COG5: variants seen among roughly 807,000 people sequenced by gnomAD.
The protein encoded by COG5 is conserved oligomeric Golgi complex subunit 5.
A neutral mutation model predicts 110.4 loss-of-function variants in COG5; 86 were observed. That is an observed-to-expected ratio of 0.78 (90% CI 0.65 to 0.93). The LOEUF is 0.93. Ranked by LOEUF, COG5 falls within the 40% of genes least tolerant of loss-of-function variation. COG5 has a pLI of 0.00. For missense variants in COG5, 1,077 were observed against 987.0 expected (o/e 1.09, Z -1.22); for synonymous variants, 360 against 334.6 (o/e 1.08, Z -0.83).
intron 6 of COG5, among the ~76,000 whole-genome samples, chr7:107,449,070 T>C (rs1191773684): frequency 1.3e-5 from 2 of 152,004 alleles, no homozygotes; most frequent in Admixed American, 6.6e-5. Flanking sequence ...CAAAATTAAC[T>C]GTAGTACGAA....
At chr7:107,382,585 C>T (rs981038043) in intron 7 of COG5, among the ~76,000 whole-genome samples, 13 of 152,044 alleles carry the variant, frequency 8.6e-5, no homozygotes, top group African/African-American at 3.1e-4. Flanking sequence ...ATATAGGTGC[C>T]CACCACCACG....
At chr7:107,529,265 G>A (rs939544418) in intron 5 of COG5, among the ~76,000 whole-genome samples, 1 of 152,134 alleles carries the variant, frequency 6.6e-6, no homozygotes, top group African/African-American at 2.4e-5. Context: ...AGTCAAGAGT[G>A]GGGCAGGAGA....
intron 12 of COG5, among the ~76,000 whole-genome samples, chr7:107,295,088 T>C (rs1454366561): frequency 6.9e-5 from 5 of 72,132 alleles, no homozygotes; most frequent in East Asian, 8.0e-4. Context: ...TATATATATA[T>C]ATATATATAT....
chr7:107,554,122 T>C (rs570491801), intron 3 of COG5, among the ~76,000 whole-genome samples, 163 bp downstream of exon 3: 92 of 152,352 alleles, frequency 6.0e-4, no homozygotes, highest in African/African-American at 2.0e-3. Flanking sequence ...TTTGTTTTCA[T>C]ATTATCTGCC....
At chr7:107,410,067 G>C (rs1004648209) in intron 7 of COG5, among the ~76,000 whole-genome samples, 2 of 152,248 alleles carry the variant, frequency 1.3e-5, no homozygotes, top group African/African-American at 4.8e-5. Flanking sequence ...ACTAGGCATA[G>C]AAGTAAAATA....
chr7:107,213,644 G>A lies in COG5; in HGVS notation c.2169-2419C>T, dbSNP rs1280583542. On this transcript the variant is annotated intron_variant, in intron 19 of 21. Transcript: ENST00000297135. ...GGAAGGTGAAGCTCAGCCAGCAGCC[G>A]CATCCAAACTCAGAGCAAAGGCAGA... Among the ~76,000 whole-genome samples the A allele has an allele frequency of 3.9e-5, 6 of 152,296 alleles. No homozygotes were observed. The South Asian group carries it at 6.2e-4, about 16-fold the overall frequency.
chr7:107,202,122 A>G lies in COG5; in HGVS notation c.*1394T>C, dbSNP rs543667847. The G allele has an allele frequency of 2.0e-5, 3 of 152,798 alleles. No individual in the cohort carries two copies. The South Asian group carries it at 6.2e-4, about 32-fold the overall frequency. 9.5% of individuals were successfully genotyped at this position (152,798 alleles called of 1,614,324 possible). On this transcript the variant is annotated 3_prime_UTR_variant, in exon 22 of 22. Coordinates refer to ENST00000297135, the MANE Select transcript of COG5 (RefSeq NM_006348.5). ...GGCCAAGGTAAAGTTAGTTAATAGCATTGGGATATAGTCACTGTAATGGTG... is the reference window on the plus strand; with the variant it reads ...GGCCAAGGTAAAGTTAGTTAATAGCGTTGGGATATAGTCACTGTAATGGTG...
At chr7:107,362,260 C>A (rs947465440) in intron 9 of COG5, 48 bp downstream of exon 9, 1 of 1,469,640 alleles carries the variant, frequency 6.8e-7, no homozygotes, top group Non-Finnish European at 9.5e-7. Context: ...TTGGAATAAC[C>A]AGGAGTTAAT....
intron 6 of COG5, among the ~76,000 whole-genome samples, chr7:107,512,205 A>T (rs912105491): frequency 7.9e-5 from 12 of 152,234 alleles, no homozygotes; most frequent in Non-Finnish European, 1.8e-4. Flanking sequence ...AAGTCTCAGG[A>T]TACAAAATCA....
At chr7:107,388,282 T>C (rs536390599) in intron 7 of COG5, among the ~76,000 whole-genome samples, 1 of 152,358 alleles carries the variant, frequency 6.6e-6, no homozygotes, top group South Asian at 2.1e-4. Context: ...TATCCATTGA[T>C]ACCAATTCTC....
chr7:107,548,311 G>A lies in COG5; in HGVS notation c.314C>T (p.Thr105Met), dbSNP rs755030238. The A allele has an allele frequency of 1.9e-5, 31 of 1,613,580 alleles. No homozygotes were observed. Among genetic ancestry groups the A allele is most frequent in the African/African-American group, 6.7e-5 (5 of 74,870 alleles). The change falls in exon 4 of 22, where the codon ACG becomes ATG. Residue 105 changes from threonine to methionine, a missense_variant. Thr to Met is a moderately conservative substitution (Grantham distance 81). Coordinates refer to ENST00000297135, the MANE Select transcript of COG5 (RefSeq NM_006348.5). ...SLEGVLQMMQ[T>M]RIGALQGAVD... ...AGCTCCCTGTAAAGCCCCAATTCTC[G>A]TCTGCATCATCTGAAGAACACCTAG...
intron 6 of COG5, among the ~76,000 whole-genome samples, chr7:107,505,705 C>T (rs557148020): frequency 7.5e-4 from 115 of 152,340 alleles, no homozygotes; most frequent in Non-Finnish European, 1.6e-3. Context: ...CTGAAAGAAA[C>T]TTCCCACCAG....
chr7:107,285,992 A>G (rs1805595086), intron 12 of COG5, among the ~76,000 whole-genome samples: 1 of 152,230 alleles, frequency 6.6e-6, no homozygotes, highest in Non-Finnish European at 1.5e-5. Context: ...GAGAAAAATA[A>G]AGCAAGGAAG....
chr7:107,429,261 G>A (rs569403105), intron 6 of COG5, among the ~76,000 whole-genome samples: 1 of 152,128 alleles, frequency 6.6e-6, no homozygotes, highest in African/African-American at 2.4e-5. Flanking sequence ...GCATATTATG[G>A]ATCTGACAGC....
chr7:107,503,691 G>A (rs1192570523), intron 6 of COG5, among the ~76,000 whole-genome samples: 1 of 152,076 alleles, frequency 6.6e-6, no homozygotes, highest in Non-Finnish European at 1.5e-5. Flanking sequence ...CAGTTTTGTA[G>A]TTCACCTTGT....
chr7:107,430,223 T>A (rs949716902), intron 6 of COG5, among the ~76,000 whole-genome samples: 1 of 152,232 alleles, frequency 6.6e-6, no homozygotes, highest in Non-Finnish European at 1.5e-5. Flanking sequence ...TTGTATGGTT[T>A]TAGATCTTTA....
intron 6 of COG5, among the ~76,000 whole-genome samples, chr7:107,517,280 A>T (rs951869880): frequency 2.0e-5 from 3 of 152,200 alleles, no homozygotes; most frequent in Non-Finnish European, 4.4e-5. Flanking sequence ...TAAGGCATAC[A>T]GACAAGATTA....
intron 8 of COG5, among the ~76,000 whole-genome samples, chr7:107,370,691 C>T (rs1324179538): frequency 6.7e-6 from 1 of 149,788 alleles, no homozygotes; most frequent in Admixed American, 6.7e-5. Flanking sequence ...GAGGCTGAGA[C>T]AGGCGAATTG....
At chr7:107,208,667 T>A (rs1798938075) in intron 21 of COG5, 1 of 985,376 alleles carries the variant, frequency 1.0e-6, no homozygotes, top group South Asian at 4.7e-5. Flanking sequence ...CCGGGGCTGG[T>A]AACCTCTCCC....
Sources: gnomAD v4.1 joint callset for allele counts (sites outside exome capture counted in the v4.1 genomes callset) on GRCh38, gnomAD v4.1.1 for gene constraint, MANE v1.5 for transcripts, NCBI Gene and HGNC (gene_info 2026-07-23, HGNC 2026-07-21) for gene names.